ACOXL: variants seen among roughly 807,000 people sequenced by gnomAD.
ACOXL encodes the protein acyl-CoA oxidase like.
Under a neutral mutation model 71.9 loss-of-function variants are expected in ACOXL, and 70 were observed. That is an observed-to-expected ratio of 0.97 (90% CI 0.80 to 1.19). ACOXL has a LOEUF of 1.19. Ranked by LOEUF, ACOXL falls within the 50% of genes most tolerant of loss-of-function variation. ACOXL has a pLI of 0.00. For synonymous variants in ACOXL, 253 were observed against 281.6 expected (o/e 0.90, Z 1.02); for missense variants, 703 against 736.3 (o/e 0.95, Z 0.52).
rs200047290 is a variant in ACOXL at position 110,908,889 on chromosome 2, C to G, written c.889C>G (p.Leu297Val). The stretch of plus-strand genomic sequence containing the variant: ...GCCCCACCTGGCCACAGCCTTGGCC[C>G]TGACCTTCGTCAGCAGGTGAGATGG... ...LMPHLATALALTFVSRYAGAL... is the reference protein window; with the variant it reads ...LMPHLATALAVTFVSRYAGAL... The change falls in exon 11 of 18, where the codon CTG (leucine) becomes GTG (valine). Residue 297 changes from leucine (L) to valine (V), a missense_variant. Transcript: ENST00000439055. 1.4e-4 allele frequency: 230 copies of G among 1,613,648 alleles called. No individual in the cohort carries two copies. The highest frequency in any genetic ancestry group is 4.2e-6 in the Non-Finnish European group (5 of 1,179,728).
chr2:111,021,284 A>G (rs887359959), intron 14 of ACOXL, among the ~76,000 whole-genome samples: 3 of 152,160 alleles, frequency 2.0e-5, no homozygotes, highest in Non-Finnish European at 4.4e-5. Flanking sequence ...TGGCCCCCGA[A>G]TCCGGGATAC....
At chr2:110,982,178 A>G (rs2062735467) in intron 12 of ACOXL, among the ~76,000 whole-genome samples, 1 of 151,610 alleles carries the variant, frequency 6.6e-6, no homozygotes, top group Non-Finnish European at 1.5e-5. Flanking sequence ...GTTTTTTGAG[A>G]TGGAGTCTTG....
At chr2:110,893,587 C>T (rs1017299814) in intron 10 of ACOXL, among the ~76,000 whole-genome samples, 12 of 152,154 alleles carry the variant, frequency 7.9e-5, no homozygotes, top group African/African-American at 2.9e-4. Flanking sequence ...TGTTTTGATA[C>T]AGTAATAGTT....
chr2:110,890,676 A>G (rs1359398975), intron 10 of ACOXL, among the ~76,000 whole-genome samples: 3 of 152,172 alleles, frequency 2.0e-5, no homozygotes, highest in Admixed American at 6.5e-5. Context: ...CTATATGTCT[A>G]TCCTATGCCA....
intron 16 of ACOXL, among the ~76,000 whole-genome samples, chr2:111,067,060 CAG>C (rs2067110181): frequency 6.6e-6 from 1 of 152,116 alleles, no homozygotes; most frequent in Admixed American, 6.5e-5. Flanking sequence ...ATCTTCTTTA[CAG>C]AGTCTCATAA....
In ACOXL at chr2:110,794,102, A is replaced by G. The variant is rs1684992366; in HGVS notation, c.273A>G (p.Ala91=). The change falls in exon 5 of 18, where the codon GCA becomes GCG. Residue 91 remains alanine (A), a synonymous_variant. Transcript: ENST00000439055. ...AGCAGAAATACACTGGGATGTTTGC[A>G]ATGACCGAGAGGGGCCATGGGAGCA... is the stretch of plus-strand genomic sequence containing the variant. ...LQEQKYTGMF[A]MTERGHGSNA... is the part of the protein sequence containing the mutation. 1 of 1,614,202 alleles carries G rather than the reference A, an allele frequency of 6.2e-7. No homozygotes were observed. The highest frequency in any genetic ancestry group is 1.3e-5 in the African/African-American group (1 of 75,060).
chr2:110,772,491 A>G (rs1682076353), intron 2 of ACOXL, among the ~76,000 whole-genome samples: 1 of 152,114 alleles, frequency 6.6e-6, no homozygotes, highest in African/African-American at 2.4e-5. Context: ...GGGAAACCGC[A>G]TCTCAACATT....
At chr2:110,845,580 C>T (rs1006051682) in intron 10 of ACOXL, among the ~76,000 whole-genome samples, 2 of 152,204 alleles carry the variant, frequency 1.3e-5, no homozygotes, top group East Asian at 3.8e-4. Flanking sequence ...TTAAACAATA[C>T]ATTTCCTTCC....
At chr2:110,960,331 G>A (rs1421059779) in intron 12 of ACOXL, among the ~76,000 whole-genome samples, 1 of 152,316 alleles carries the variant, frequency 6.6e-6, no homozygotes, top group Non-Finnish European at 1.5e-5. Flanking sequence ...TAGTGCATAC[G>A]AAAGTTGACC....
intron 8 of ACOXL, among the ~76,000 whole-genome samples, chr2:110,802,192 G>T (rs552916831): frequency 2.0e-5 from 3 of 152,194 alleles, no homozygotes; most frequent in African/African-American, 7.2e-5. Flanking sequence ...ATTTCTTATT[G>T]TTGGGCATTT....
chr2:110,931,835 T>C (rs1436632513), intron 11 of ACOXL, among the ~76,000 whole-genome samples: 2 of 152,312 alleles, frequency 1.3e-5, no homozygotes, highest in South Asian at 2.1e-4. Flanking sequence ...GAATGTAAAA[T>C]TGCATAACCA....
chr2:110,999,195 G>T (rs367725827), intron 14 of ACOXL, among the ~76,000 whole-genome samples: 1 of 152,044 alleles, frequency 6.6e-6, no homozygotes, highest in Non-Finnish European at 1.5e-5. Flanking sequence ...TGTAATGGCC[G>T]CCCCGCTTGC....
At chr2:110,899,219 G>A (rs2059133363) in intron 10 of ACOXL, among the ~76,000 whole-genome samples, 1 of 152,202 alleles carries the variant, frequency 6.6e-6, no homozygotes, top group Non-Finnish European at 1.5e-5. Flanking sequence ...AAGCTGCTCG[G>A]GCAATTTCCA....
intron 17 of ACOXL, among the ~76,000 whole-genome samples, chr2:111,117,000 G>C (rs1271203742): frequency 6.6e-6 from 1 of 152,246 alleles, no homozygotes; most frequent in African/African-American, 2.4e-5. Context: ...GTTAACAGCA[G>C]ATGGATTTTC....
At chr2:111,004,356 C>T (rs6722565) in intron 14 of ACOXL, among the ~76,000 whole-genome samples, 67,914 of 151,988 alleles carry the variant, frequency 0.45, 15,495 homozygotes, top group Middle Eastern at 0.53. Flanking sequence ...TGCCCCTTAC[C>T]CGGGAGCAAG....
chr2:110,984,627 A>G (rs2149539254), intron 12 of ACOXL, among the ~76,000 whole-genome samples: 1 of 152,332 alleles, frequency 6.6e-6, no homozygotes, highest in East Asian at 1.9e-4. Flanking sequence ...TGTCTTTCTT[A>G]AGTTTAGCAC....
intron 9 of ACOXL, among the ~76,000 whole-genome samples, chr2:110,834,627 A>G (rs962087167): frequency 2.6e-5 from 4 of 152,330 alleles, no homozygotes; most frequent in South Asian, 2.1e-4. Context: ...AGAAATGACA[A>G]AGGTGACAGC....
At chr2:110,855,114 G>A (rs1693079418) in intron 10 of ACOXL, among the ~76,000 whole-genome samples, 1 of 152,202 alleles carries the variant, frequency 6.6e-6, no homozygotes, top group Non-Finnish European at 1.5e-5. Context: ...TCATATGGAG[G>A]AAAATCGTTT....
intron 10 of ACOXL, among the ~76,000 whole-genome samples, chr2:110,903,057 A>C (rs1440962171): frequency 6.6e-6 from 1 of 152,226 alleles, no homozygotes; most frequent in African/African-American, 2.4e-5. Context: ...ACCTGCAAAC[A>C]AGTTTGCACC....
Sources: allele counts gnomAD v4.1 joint callset (sites outside exome capture counted in the v4.1 genomes callset), GRCh38; gene constraint gnomAD v4.1.1; transcripts MANE v1.5; gene names NCBI Gene and HGNC (gene_info 2026-07-23, HGNC 2026-07-21).